Variants in AFAP1 observed in about 807,000 individuals in gnomAD.
AFAP1 encodes the protein actin filament-associated protein 1.
In AFAP1, 75 loss-of-function variants were observed where a neutral mutation model predicts 93.9. The observed-to-expected ratio is 0.80, with a 90% confidence interval of 0.66 to 0.97. The LOEUF (loss-of-function observed/expected upper bound fraction) is 0.97. AFAP1 is among the 50% of genes least tolerant of loss of function. The pLI, the probability that AFAP1 is intolerant of heterozygous loss-of-function variation, is 0.00. For synonymous variants in AFAP1, 517 were observed against 430.7 expected, an observed-to-expected ratio of 1.20 and a Z score of -2.48; for missense variants, 1,201 against 1,050.8, an observed-to-expected ratio of 1.14 and a Z score of -1.98.
In AFAP1 at chr4:7,809,759, C is replaced by T; in HGVS notation, c.909G>A (p.Lys303=). The change falls in exon 9 of 18, where the codon AAG becomes AAA. Residue 303 remains lysine, a synonymous_variant. Coordinates refer to ENST00000420658, the MANE Select transcript of AFAP1 (RefSeq NM_001134647.2). ...CCTCTGATTTGGAACTTTTCTTCCT[C>T]TTCACTGTCAAGAGTAACAACAGCA... ...ITTCNGKEQV[K]RKKSSKSEAK... is the part of the protein sequence containing the mutation. 6.2e-7 allele frequency: 1 copy of T among 1,612,814 alleles called. No individual in the cohort carries two copies. Among genetic ancestry groups the T allele is most frequent in the Non-Finnish European group, 8.5e-7 (1 of 1,179,642 alleles).
intron 16 of AFAP1, among the ~76,000 whole-genome samples, chr4:7,770,173 G>C (rs900250710): frequency 6.6e-6 from 1 of 152,230 alleles, no homozygotes; most frequent in Non-Finnish European, 1.5e-5. Context: ...GAGCGGGGAA[G>C]CAGAGGCAGC....
At chr4:7,811,087 G>A (rs529167086) in intron 8 of AFAP1, among the ~76,000 whole-genome samples, 24 of 152,346 alleles carry the variant, frequency 1.6e-4, no homozygotes, top group African/African-American at 5.5e-4. Context: ...CCTGAGGGCC[G>A]TTATGTGCCC....
At chr4:7,816,608 G>A (rs1397593397) in intron 7 of AFAP1, among the ~76,000 whole-genome samples, 1 of 152,188 alleles carries the variant, frequency 6.6e-6, no homozygotes, top group African/African-American at 2.4e-5. Flanking sequence ...GGGGATGGGG[G>A]ACTGTCACTA....
intron 1 of AFAP1, among the ~76,000 whole-genome samples, chr4:7,894,047 C>T (rs1718628949): frequency 6.6e-6 from 1 of 152,192 alleles, no homozygotes; most frequent in African/African-American, 2.4e-5. Flanking sequence ...CCCCCAAACG[C>T]TGCACTTGGC....
rs945909502 is a variant in AFAP1 at position 7,774,741 on chromosome 4, G to C, written c.2060C>G (p.Ala687Gly). Reference protein sequence around the residue: ...KDLRAAIEVNAGRKPQAILEE... With the variant: ...KDLRAAIEVNGGRKPQAILEE... ...GCAGTCACCCACACCCTTCATACCG[G>C]CGTTCACTTCAATAGCCGCTCGAAG... Residue 687 changes from alanine (A) to glycine (G), a missense_variant and splice_region_variant, in exon 15 of 18, where the codon GCC (alanine) becomes GGC (glycine). By Grantham distance (60) the Ala-to-Gly change is moderately conservative (BLOSUM62 0). Coordinates refer to ENST00000420658, the MANE Select transcript of AFAP1 (RefSeq NM_001134647.2). 1 of 1,614,092 alleles carries C rather than the reference G, an allele frequency of 6.2e-7. No individual in the cohort carries two copies. Among genetic ancestry groups the C allele is most frequent in the Non-Finnish European group, 8.5e-7 (1 of 1,179,998 alleles).
At chr4:7,822,762 T>TTG (rs1454922681) in intron 6 of AFAP1, among the ~76,000 whole-genome samples, 8 of 150,640 alleles carry the variant, frequency 5.3e-5, no homozygotes, top group Non-Finnish European at 1.0e-4. Flanking sequence ...TTTTTTTTTT[T>TTG]TTTTGTATTT....
intron 7 of AFAP1, among the ~76,000 whole-genome samples, chr4:7,818,043 C>T (rs1443167900): frequency 1.3e-5 from 2 of 152,054 alleles, no homozygotes; most frequent in Admixed American, 6.6e-5. Context: ...TTTAATTTCA[C>T]GTGTCAATGT....
At chr4:7,819,553 A>AG (rs200676412) in intron 6 of AFAP1, among the ~76,000 whole-genome samples, 1,608 of 152,308 alleles carry the variant, frequency 0.011, 10 homozygotes, top group South Asian at 0.035. Context: ...TCAAGAGACC[A>AG]GGGGGCCTTA....
intron 1 of AFAP1, among the ~76,000 whole-genome samples, chr4:7,931,624 C>A (rs1047531021): frequency 1.3e-5 from 2 of 151,360 alleles, no homozygotes; most frequent in Non-Finnish European, 2.9e-5. Flanking sequence ...CTCAGTGGAT[C>A]CTACTGCCTC....
chr4:7,930,544 C>A (rs1361520569), intron 1 of AFAP1, among the ~76,000 whole-genome samples: 1 of 152,124 alleles, frequency 6.6e-6, no homozygotes, highest in African/African-American at 2.4e-5. Flanking sequence ...CCAAAGCCAC[C>A]TGTCATCTCA....
intron 5 of AFAP1, 125 bp from the exon 6 acceptor site, chr4:7,838,828 G>C: frequency 3.2e-6 from 3 of 941,768 alleles, no homozygotes; most frequent in Admixed American, 2.2e-5. Flanking sequence ...CTGCAGATGA[G>C]CAGGTTCACA....
intron 2 of AFAP1, among the ~76,000 whole-genome samples, chr4:7,869,265 G>T (rs28495226): frequency 1.3e-5 from 2 of 152,100 alleles, no homozygotes; most frequent in African/African-American, 4.8e-5. Flanking sequence ...TGTAAGAAAT[G>T]AATGAAAGCA....
In AFAP1 at chr4:7,843,294, C is replaced by G. The variant is rs748289684; in HGVS notation, c.391G>C (p.Asp131His). The G allele has an allele frequency of 2.5e-6, 4 of 1,614,094 alleles. No homozygotes were observed. Among genetic ancestry groups the G allele is most frequent in the Non-Finnish European group, 3.4e-6 (4 of 1,180,022 alleles). Reference protein sequence around the residue: ...SYESYDEEEEDGKGKKTRHQW... With the variant: ...SYESYDEEEEHGKGKKTRHQW... ...TGCCGGGTTTTCTTCCCCTTCCCAT[C>G]CTCCTCCTCTTCATCATACGACTCA... Residue 131 changes from aspartate to histidine, a missense_variant, in exon 5 of 18, where the codon GAT (aspartate) becomes CAT (histidine). Physicochemically the swap from Asp to His is moderately conservative, Grantham distance 81. Transcript: ENST00000420658.
chr4:7,770,413 C>T (rs1715267333), intron 16 of AFAP1, among the ~76,000 whole-genome samples: 2 of 152,110 alleles, frequency 1.3e-5, no homozygotes, highest in South Asian at 4.1e-4. Flanking sequence ...ATGATGAAAG[C>T]AGGTGCAATG....
intron 9 of AFAP1, among the ~76,000 whole-genome samples, chr4:7,801,931 A>AAAAAAAAAAC (rs1719077962): frequency 2.0e-5 from 3 of 150,974 alleles, no homozygotes; most frequent in African/African-American, 7.3e-5. Flanking sequence ...AAAAAAAAAA[A>AAAAAAAAAAC]AAAAAAAAAA....
intron 16 of AFAP1, 155 bp downstream of exon 16, chr4:7,772,665 G>A: frequency 1.5e-6 from 1 of 661,672 alleles, no homozygotes; most frequent in Non-Finnish European, 2.5e-6. Flanking sequence ...CGATGAAAGT[G>A]TCTGATGCTA....
At chr4:7,891,951 T>A (rs1468646471) in intron 1 of AFAP1, among the ~76,000 whole-genome samples, 1 of 151,852 alleles carries the variant, frequency 6.6e-6, no homozygotes, top group Non-Finnish European at 1.5e-5. Flanking sequence ...CTACTCAGGA[T>A]GCTGAGGCAG....
At chr4:7,906,391 A>G (rs1386191717) in intron 1 of AFAP1, among the ~76,000 whole-genome samples, 1 of 152,212 alleles carries the variant, frequency 6.6e-6, no homozygotes, top group African/African-American at 2.4e-5. Context: ...CAAACGTATG[A>G]AATCATTCTT....
intron 1 of AFAP1, among the ~76,000 whole-genome samples, chr4:7,877,899 C>T (rs1389992354): frequency 1.3e-5 from 2 of 152,144 alleles, no homozygotes; most frequent in East Asian, 1.9e-4. Context: ...CTGGCTCCCC[C>T]ATATCGCCAG....
Sources: allele counts gnomAD v4.1 joint callset (sites outside exome capture counted in the v4.1 genomes callset), GRCh38; gene constraint gnomAD v4.1.1; transcripts MANE v1.5; gene names NCBI Gene and HGNC (gene_info 2026-07-23, HGNC 2026-07-21).